The following BTRC variants were observed in gnomAD, a reference collection of about 807,000 sequenced individuals.
BTRC encodes the protein beta-transducin repeat containing E3 ubiquitin protein ligase.
A neutral mutation model predicts 85.5 loss-of-function variants in BTRC; 42 were observed. The observed-to-expected ratio is 0.49, with a 90% CI of 0.38 to 0.64. The LOEUF (loss-of-function observed/expected upper bound fraction) is 0.64, where lower values mean the gene tolerates loss of function less well. Ranked by LOEUF, BTRC falls within the 30% of genes least tolerant of loss-of-function variation. BTRC has a pLI of 0.00. For synonymous variants in BTRC, 255 were observed against 263.3 expected (o/e 0.97, Z 0.30); for missense variants, 594 against 743.5 (o/e 0.80, Z 2.34).
chr10:101,406,334 G>A (rs888217427), intron 1 of BTRC, among the ~76,000 whole-genome samples: 63 of 150,552 alleles, frequency 4.2e-4, no homozygotes, highest in Non-Finnish European at 7.7e-4. Context: ...CCGCCACTAC[G>A]CCCGGCTAAC....
At chr10:101,463,220 A>G (rs1945277095) in intron 3 of BTRC, among the ~76,000 whole-genome samples, 1 of 152,022 alleles carries the variant, frequency 6.6e-6, no homozygotes, top group Non-Finnish European at 1.5e-5. Flanking sequence ...TAATTTTTGT[A>G]TTTTTAGTAG....
intron 1 of BTRC, among the ~76,000 whole-genome samples, chr10:101,405,068 G>T (rs1943587630): frequency 6.6e-6 from 1 of 151,742 alleles, no homozygotes; most frequent in South Asian, 2.1e-4. Flanking sequence ...CAGCTTGGGG[G>T]TGAACATAGG....
At chr10:101,372,154 A>G (rs1406945845) in intron 1 of BTRC, among the ~76,000 whole-genome samples, 1 of 151,898 alleles carries the variant, frequency 6.6e-6, no homozygotes, top group African/African-American at 2.4e-5. Flanking sequence ...CTATATTTTT[A>G]TATAATAACA....
chr10:101,462,697 A>C (rs1000209705), intron 3 of BTRC, among the ~76,000 whole-genome samples: 1 of 144,512 alleles, frequency 6.9e-6, no homozygotes, highest in Non-Finnish European at 1.5e-5. Flanking sequence ...AAAAAAAAAA[A>C]TAGCTCACCA....
At chr10:101,430,085 G>A (rs1483256638) in intron 1 of BTRC, among the ~76,000 whole-genome samples, 3 of 152,142 alleles carry the variant, frequency 2.0e-5, no homozygotes, top group Admixed American at 2.0e-4. Context: ...TAGAAGAATA[G>A]GGACAAAATG....
intron 4 of BTRC, among the ~76,000 whole-genome samples, chr10:101,506,946 T>C (rs962562842): frequency 6.6e-6 from 1 of 152,230 alleles, no homozygotes; most frequent in Non-Finnish European, 1.5e-5. Flanking sequence ...CAAAATTCTC[T>C]TGCTTTGCTC....
intron 13 of BTRC, among the ~76,000 whole-genome samples, chr10:101,541,155 G>C (rs2062459481): frequency 6.6e-6 from 1 of 150,688 alleles, no homozygotes; most frequent in Non-Finnish European, 1.5e-5. Context: ...AAAACAATTG[G>C]TAAGAGTGAA....
Position 101,555,289 on chromosome 10 carries a change from A to G in BTRC, c.*2166A>G, listed in dbSNP as rs978795360. ...ACCAGCCTTTCTGTCATATGCTGCT[A>G]TTACAAAGTGGAAGCTGTTGAATGT... On this transcript the variant is annotated 3_prime_UTR_variant, in exon 15 of 15. Coordinates refer to ENST00000370187, the MANE Select transcript of BTRC (RefSeq NM_033637.4). The G allele has an allele frequency of 3.9e-5, 6 of 152,672 alleles. No individual in the cohort carries two copies. Among genetic ancestry groups the G allele is most frequent in the African/African-American group, 9.6e-5 (4 of 41,468 alleles). 9.5% of individuals were successfully genotyped at this position (152,672 alleles called of 1,614,324 possible). A position where few individuals can be genotyped will look rare whatever the true frequency, so the allele number is the denominator to read the frequency against.
intron 1 of BTRC, among the ~76,000 whole-genome samples, chr10:101,423,258 T>C (rs1354022185): frequency 6.6e-6 from 1 of 152,144 alleles, no homozygotes; most frequent in East Asian, 1.9e-4. Context: ...TACAGGTGAA[T>C]GAATTGGGGA....
intron 5 of BTRC, 105 bp from the exon 6 acceptor site, chr10:101,525,908 G>T: frequency 9.2e-7 from 1 of 1,091,996 alleles, no homozygotes; most frequent in Admixed American, 2.4e-5. Flanking sequence ...ACAATGATGT[G>T]CCTTCATAGC....
At chr10:101,545,494 A>AG (rs1336414323) in intron 13 of BTRC, among the ~76,000 whole-genome samples, 2 of 152,232 alleles carry the variant, frequency 1.3e-5, no homozygotes, top group Non-Finnish European at 2.9e-5. Flanking sequence ...TTGGAGTTAT[A>AG]GGAGCTTTCA....
intron 2 of BTRC, among the ~76,000 whole-genome samples, chr10:101,445,596 GGTCT>G (rs1337917780): frequency 7.9e-5 from 12 of 152,182 alleles, no homozygotes; most frequent in African/African-American, 2.6e-4. Context: ...GACTATTATC[GGTCT>G]GTCTATTGGT....
At chr10:101,538,472 C>A in intron 13 of BTRC, 101 bp downstream of exon 13, 4 of 1,052,992 alleles carry the variant, frequency 3.8e-6, no homozygotes, top group Non-Finnish European at 5.8e-6. Flanking sequence ...TAGTTACAAC[C>A]TCACAAAACC....
intron 4 of BTRC, among the ~76,000 whole-genome samples, chr10:101,482,132 G>T (rs918533451): frequency 1.3e-5 from 2 of 152,082 alleles, no homozygotes; most frequent in African/African-American, 4.8e-5. Flanking sequence ...CCATTATCCT[G>T]CCTCAGCCTC....
At position 101,484,065 on chromosome 10, in the gene BTRC, A is replaced by G. The variant is rs1192242740; in HGVS notation, c.324+4608A>G. ...ATCTATCCAGATTCCTGGCCCAGAT[A>G]AGAGAAGTTTTTCCTCTTTATGTTT... On this transcript the variant is annotated intron_variant, in intron 4 of 14. Coordinates refer to ENST00000370187, the MANE Select transcript of BTRC (RefSeq NM_033637.4). Among the ~76,000 whole-genome samples, 3 of 152,342 alleles carry G rather than the reference A, an allele frequency of 2.0e-5. No individual in the cohort carries two copies. In the East Asian group the frequency reaches 5.8e-4, roughly 29 times the overall value.
intron 2 of BTRC, among the ~76,000 whole-genome samples, chr10:101,458,295 T>G (rs573696838): frequency 6.6e-6 from 1 of 152,328 alleles, no homozygotes; most frequent in Admixed American, 6.5e-5. Flanking sequence ...TCCATTTATA[T>G]GACATTCTGA....
At chr10:101,537,471 T>C (rs1242257128) in intron 12 of BTRC, among the ~76,000 whole-genome samples, 2 of 152,058 alleles carry the variant, frequency 1.3e-5, no homozygotes, top group East Asian at 1.9e-4. Context: ...GAGGTTGCAG[T>C]GAGCCAAGAT....
At chr10:101,495,817 T>A (rs1039056424) in intron 4 of BTRC, among the ~76,000 whole-genome samples, 2 of 139,940 alleles carry the variant, frequency 1.4e-5, no homozygotes, top group African/African-American at 4.9e-5. Context: ...TTTTTATTTT[T>A]AAAAAATTCC....
intron 1 of BTRC, among the ~76,000 whole-genome samples, chr10:101,428,903 C>T (rs1457455061): frequency 4.6e-5 from 7 of 152,160 alleles, no homozygotes; most frequent in Non-Finnish European, 7.3e-5. Flanking sequence ...TGGGCTCAAG[C>T]GATCCACCCA....
Sources: allele counts gnomAD v4.1 joint callset (sites outside exome capture counted in the v4.1 genomes callset), GRCh38; gene constraint gnomAD v4.1.1; transcripts MANE v1.5; gene names NCBI Gene and HGNC (gene_info 2026-07-23, HGNC 2026-07-21).